B3GLCT: variants seen among roughly 807,000 people sequenced by gnomAD.
B3GLCT encodes beta 3-glucosyltransferase, also known as beta-1,3-glucosyltransferase.
A neutral mutation model predicts 63.4 loss-of-function variants in B3GLCT; 65 were observed. That is an observed-to-expected ratio of 1.03 (90% CI 0.84 to 1.26). The LOEUF is 1.26. Ranked by LOEUF, B3GLCT falls within the 50% of genes most tolerant of loss-of-function variation. The pLI, the probability that B3GLCT is intolerant of heterozygous loss-of-function variation, is 0.00. For synonymous variants in B3GLCT, 233 were observed against 219.2 expected (o/e 1.06, Z -0.55); for missense variants, 577 against 604.8 (o/e 0.95, Z 0.48).
chr13:31,310,037 G>T (rs762360172), intron 12 of B3GLCT, among the ~76,000 whole-genome samples: 2 of 152,174 alleles, frequency 1.3e-5, no homozygotes, highest in African/African-American at 2.4e-5. Context: ...CAGGTCCCCA[G>T]TGAAACCCAA....
intron 6 of B3GLCT, among the ~76,000 whole-genome samples, chr13:31,253,351 G>A (rs1871533097): frequency 6.6e-6 from 1 of 152,032 alleles, no homozygotes; most frequent in African/African-American, 2.4e-5. Context: ...TAGCACTTTG[G>A]GAGGCCAAGG....
chr13:31,257,758 A>G (rs373654308), intron 6 of B3GLCT, among the ~76,000 whole-genome samples: 68 of 152,224 alleles, frequency 4.5e-4, no homozygotes, highest in African/African-American at 1.6e-3. Flanking sequence ...AAACTTTTAG[A>G]ACTTAGGGTA....
At chr13:31,276,675 A>T (rs376456091) in intron 9 of B3GLCT, 27 bp from the exon 10 acceptor site, 1 of 1,513,844 alleles carries the variant, frequency 6.6e-7, no homozygotes, top group Non-Finnish European at 9.2e-7. Context: ...TCACATATGC[A>T]TACATTTTTT....
chr13:31,274,678 T>A, intron 9 of B3GLCT, 50 bp downstream of exon 9: 1 of 1,604,950 alleles, frequency 6.2e-7, no homozygotes, highest in Non-Finnish European at 8.5e-7. Flanking sequence ...AAAATTTAGA[T>A]GCTGTGCATA....
At chr13:31,207,959 A>G (rs374096898) in intron 1 of B3GLCT, among the ~76,000 whole-genome samples, 1 of 152,228 alleles carries the variant, frequency 6.6e-6, no homozygotes, top group African/African-American at 2.4e-5. Context: ...CTGAACATAC[A>G]TGAACTCACT....
intron 1 of B3GLCT, among the ~76,000 whole-genome samples, chr13:31,213,642 T>C (rs185857183): frequency 0.031 from 1,418 of 45,482 alleles, 52 homozygotes; most frequent in African/African-American, 0.1. Flanking sequence ...CCGCCAAAAC[T>C]CACTATAACT....
chr13:31,234,255 C>T (rs1179571623), intron 4 of B3GLCT, among the ~76,000 whole-genome samples: 2 of 151,986 alleles, frequency 1.3e-5, no homozygotes, highest in East Asian at 3.9e-4. Context: ...CTCCTGACCT[C>T]GTAATCTTCC....
chr13:31,261,376 A>G (rs1462557615), intron 7 of B3GLCT, among the ~76,000 whole-genome samples: 2 of 152,232 alleles, frequency 1.3e-5, no homozygotes, highest in Non-Finnish European at 2.9e-5. Context: ...AACCATGCAC[A>G]TGGGAGCATC....
intron 1 of B3GLCT, among the ~76,000 whole-genome samples, chr13:31,202,526 T>G (rs1343836521): frequency 6.6e-6 from 1 of 152,194 alleles, no homozygotes; most frequent in Admixed American, 6.5e-5. Flanking sequence ...CTTTAGCCCT[T>G]GTTTTCCTAA....
At chr13:31,211,383 GA>G (rs1234327991) in intron 1 of B3GLCT, among the ~76,000 whole-genome samples, 2 of 152,150 alleles carry the variant, frequency 1.3e-5, no homozygotes, top group East Asian at 3.9e-4. Context: ...GCAACAGAGT[GA>G]GACCTGTCTC....
intron 10 of B3GLCT, among the ~76,000 whole-genome samples, chr13:31,279,068 T>G (rs1872931394): frequency 6.6e-6 from 1 of 152,164 alleles, no homozygotes; most frequent in African/African-American, 2.4e-5. Context: ...TGATAAATAG[T>G]CTTTGCTATT....
intron 14 of B3GLCT, among the ~76,000 whole-genome samples, chr13:31,328,573 A>G (rs1055671172): frequency 6.6e-5 from 10 of 151,372 alleles, no homozygotes; most frequent in African/African-American, 1.5e-4. Flanking sequence ...CATGCCTGTA[A>G]TCCCAGCTAC....
At chr13:31,269,118 T>C in intron 7 of B3GLCT, 96 bp from the exon 8 acceptor site, 1 of 843,410 alleles carries the variant, frequency 1.2e-6, no homozygotes, top group African/African-American at 1.7e-5. Flanking sequence ...ATCTGTATGT[T>C]TATCTGTTTT....
At chr13:31,215,881 A>G (rs1419429372) in intron 2 of B3GLCT, among the ~76,000 whole-genome samples, 2 of 152,204 alleles carry the variant, frequency 1.3e-5, no homozygotes, top group Non-Finnish European at 2.9e-5. Context: ...CTATGCTACC[A>G]GAGAGTCAGA....
intron 7 of B3GLCT, among the ~76,000 whole-genome samples, chr13:31,263,593 C>T (rs1358992009): frequency 6.6e-6 from 1 of 152,180 alleles, no homozygotes; most frequent in Non-Finnish European, 1.5e-5. Context: ...ACATGACTAG[C>T]TTCCAGGGGT....
intron 4 of B3GLCT, among the ~76,000 whole-genome samples, chr13:31,235,379 G>A (rs770690045): frequency 2.6e-5 from 4 of 152,078 alleles, no homozygotes; most frequent in Non-Finnish European, 5.9e-5. Flanking sequence ...AAGCTTGAAG[G>A]TGCTGCTTCC....
At chr13:31,254,106 G>A (rs146166608) in intron 6 of B3GLCT, among the ~76,000 whole-genome samples, 1 of 152,246 alleles carries the variant, frequency 6.6e-6, no homozygotes, top group Non-Finnish European at 1.5e-5. Context: ...TTACAAAGAG[G>A]AGCTGGTACC....
intron 6 of B3GLCT, among the ~76,000 whole-genome samples, chr13:31,250,757 C>T (rs954949347): frequency 4.6e-5 from 7 of 152,348 alleles, no homozygotes; most frequent in African/African-American, 1.7e-4. Context: ...GACAGAGAAC[C>T]TGGGGGAAGG....
chr13:31,252,823 G>A (rs1871498682), intron 6 of B3GLCT, among the ~76,000 whole-genome samples: 1 of 152,064 alleles, frequency 6.6e-6, no homozygotes, highest in Admixed American at 6.6e-5. Context: ...AATTAACAAG[G>A]ATATCCAGGA....
Sources: allele counts gnomAD v4.1 joint callset (sites outside exome capture counted in the v4.1 genomes callset), GRCh38; gene constraint gnomAD v4.1.1; transcripts MANE v1.5; gene names NCBI Gene and HGNC (gene_info 2026-07-23, HGNC 2026-07-21).